Variants in KIF3C observed in about 807,000 individuals in gnomAD.
KIF3C encodes kinesin-like protein KIF3C.
Under a neutral mutation model 67.7 loss-of-function variants are expected in KIF3C, and 12 were observed. The ratio of observed to expected loss-of-function variants is 0.18; its 90% CI spans 0.11 to 0.29. The LOEUF (loss-of-function observed/expected upper bound fraction) is 0.29, where lower values mean the gene tolerates loss of function less well. KIF3C is among the 10% of genes least tolerant of loss of function. The pLI, the probability that KIF3C is intolerant of heterozygous loss-of-function variation, is 1.00. For missense variants in KIF3C, 789 were observed against 1,059.6 expected (o/e 0.74, Z 3.55); for synonymous variants, 393 against 426.2 (o/e 0.92, Z 0.96).
At chr2:25,935,620 C>T (rs1216297838) in intron 5 of KIF3C, among the ~76,000 whole-genome samples, 1 of 152,092 alleles carries the variant, frequency 6.6e-6, no homozygotes, top group African/African-American at 2.4e-5. Context: ...CCTCAGCCTC[C>T]CAAAGTGCTG....
intron 6 of KIF3C, 119 bp downstream of exon 6, chr2:25,929,836 G>A (rs562321898): frequency 1.1e-5 from 8 of 716,694 alleles, no homozygotes; most frequent in East Asian, 1.0e-4. Flanking sequence ...GGCTGGTCTC[G>A]AACTCCTGAC....
Position 25,955,393 on chromosome 2 carries a change from C to G in KIF3C, c.1770+148G>C. 2 of 927,408 alleles carry G rather than the reference C, an allele frequency of 2.2e-6. No individual in the cohort carries two copies. Among genetic ancestry groups the G allele is most frequent in the East Asian group, 2.5e-5 (1 of 40,628 alleles). 57.4% of individuals were successfully genotyped at this position (927,408 alleles called of 1,614,324 possible). On this transcript the variant is annotated intron_variant, in intron 3 of 7. Transcript: ENST00000264712. This position sits in a 1 kb window ranked among gnomAD's most constrained non-coding sequence, Gnocchi z 5.0. ...CCCCAGCCCCCGCCTCCTGCCTCCCCCTGTTGCTCACCCCCGAGGCCAAGC... is the reference window on the plus strand; with the variant it reads ...CCCCAGCCCCCGCCTCCTGCCTCCCGCTGTTGCTCACCCCCGAGGCCAAGC...
At chr2:25,972,458 T>C (rs7601481) in intron 1 of KIF3C, among the ~76,000 whole-genome samples, 40,937 of 152,064 alleles carry the variant, frequency 0.27, 6,564 homozygotes, top group African/African-American at 0.45. Context: ...TGAGAAGGAA[T>C]ACAAGACACT....
chr2:25,929,261 T>C (rs752642249), intron 7 of KIF3C, 44 bp downstream of exon 7: 7 of 1,593,146 alleles, frequency 4.4e-6, no homozygotes, highest in Non-Finnish European at 5.2e-6. Context: ...GCAGTTCCCC[T>C]GCCTCCTGGG....
chr2:25,970,965 GAAAAAAAAAAA>G (rs970182694), intron 1 of KIF3C, among the ~76,000 whole-genome samples: 17 of 49,326 alleles, frequency 3.4e-4, no homozygotes, highest in East Asian at 6.0e-4. Context: ...CTCTATGAAG[GAAAAAAAAAAA>G]AAAAAAAAAA....
At chr2:25,936,233 G>T (rs1663122192) in intron 5 of KIF3C, among the ~76,000 whole-genome samples, 1 of 152,142 alleles carries the variant, frequency 6.6e-6, no homozygotes, top group East Asian at 1.9e-4. Context: ...TAGAGATGGG[G>T]TCTCGCTATG....
At chr2:25,971,804 C>G (rs192028298) in intron 1 of KIF3C, among the ~76,000 whole-genome samples, 70 of 150,118 alleles carry the variant, frequency 4.7e-4, no homozygotes, top group African/African-American at 1.7e-3. Context: ...AACTCCTAGG[C>G]TCAAGCCATC....
intron 5 of KIF3C, 137 bp downstream of exon 5, chr2:25,951,652 A>G: frequency 1.6e-6 from 1 of 621,362 alleles, no homozygotes; most frequent in Non-Finnish European, 2.9e-6. Context: ...TTCATCCCCC[A>G]TCGGCATCCT....
At chr2:25,945,847 C>T (rs535208746) in intron 5 of KIF3C, among the ~76,000 whole-genome samples, 34 of 152,262 alleles carry the variant, frequency 2.2e-4, no homozygotes, top group African/African-American at 7.7e-4. Flanking sequence ...CGGTGGCTCA[C>T]GCCTGTAAAT....
At chr2:25,971,405 A>G (rs1304628426) in intron 1 of KIF3C, among the ~76,000 whole-genome samples, 3 of 151,350 alleles carry the variant, frequency 2.0e-5, no homozygotes, top group African/African-American at 7.3e-5. Context: ...ACGCCACTGT[A>G]CTCCAGCCTG....
At chr2:25,943,555 T>G (rs1663348557) in intron 5 of KIF3C, among the ~76,000 whole-genome samples, 2 of 152,190 alleles carry the variant, frequency 1.3e-5, no homozygotes, top group Non-Finnish European at 2.9e-5. Context: ...TAAAAAATCC[T>G]AGAACTGGCC....
intron 4 of KIF3C, chr2:25,953,989 T>G (rs1574487706): frequency 2.9e-6 from 1 of 347,662 alleles, no homozygotes; most frequent in Middle Eastern, 8.4e-4. Flanking sequence ...TTTAAAAAAT[T>G]TAAAATCACT....
Position 25,980,588 on chromosome 2 carries a change from G to T in KIF3C, c.1330C>A (p.Pro444Thr). 6.2e-7 allele frequency: 1 copy of T among 1,614,060 alleles called. No individual in the cohort carries two copies. Among genetic ancestry groups the T allele is most frequent in the South Asian group, 1.1e-5 (1 of 91,082 alleles). Reference protein sequence around the residue: ...EEDDNNNNHRPPQPILESALE... With the variant: ...EEDDNNNNHRTPQPILESALE... ...GCTGACTCCAGGATGGGCTGGGGCGGGCGGTGGTTGTTGTTGTTGTCATCC... is the reference window on the plus strand; with the variant it reads ...GCTGACTCCAGGATGGGCTGGGGCGTGCGGTGGTTGTTGTTGTTGTCATCC... Residue 444 changes from proline to threonine, a missense_variant, in exon 1 of 8, where the codon CCG (proline) becomes ACG (threonine). Pro to Thr is a conservative substitution (Grantham distance 38). Coordinates refer to ENST00000264712, the MANE Select transcript of KIF3C (RefSeq NM_002254.8). The surrounding 1 kb of genome is among the most constrained non-coding windows in gnomAD (Gnocchi z 7.6).
At chr2:25,960,740 C>T (rs1275733827) in intron 1 of KIF3C, among the ~76,000 whole-genome samples, 1 of 152,084 alleles carries the variant, frequency 6.6e-6, no homozygotes, top group African/African-American at 2.4e-5. Context: ...AGTTCAAGAC[C>T]AGCCCAAGTA....
At chr2:25,954,523 C>A in intron 3 of KIF3C, 138 bp from the exon 4 acceptor site, 2 of 638,330 alleles carry the variant, frequency 3.1e-6, no homozygotes. Context: ...TTTCTGAACT[C>A]CCCGCTGTGC....
At chr2:25,944,590 A>G (rs1002405535) in intron 5 of KIF3C, among the ~76,000 whole-genome samples, 7 of 152,084 alleles carry the variant, frequency 4.6e-5, no homozygotes, top group African/African-American at 2.4e-5. Context: ...GGCTCAAGCC[A>G]TCTACCTGCT....
At chr2:25,935,371 CT>C (rs918501896) in intron 5 of KIF3C, among the ~76,000 whole-genome samples, 6 of 149,390 alleles carry the variant, frequency 4.0e-5, no homozygotes, top group Admixed American at 6.7e-5. Flanking sequence ...TTGCTGAAGC[CT>C]TTTTTTTTTC....
chr2:25,932,295 T>C (rs2090467201), intron 5 of KIF3C, among the ~76,000 whole-genome samples: 1 of 151,564 alleles, frequency 6.6e-6, no homozygotes. Context: ...CCACTGCGCC[T>C]GGCCGGTAAT....
At chr2:25,931,201 A>G (rs2090456131) in intron 5 of KIF3C, among the ~76,000 whole-genome samples, 1 of 152,102 alleles carries the variant, frequency 6.6e-6, no homozygotes, top group Non-Finnish European at 1.5e-5. Context: ...TCACACCTGT[A>G]ATCCCAGCAC....
Sources: allele counts gnomAD v4.1 joint callset (sites outside exome capture counted in the v4.1 genomes callset), GRCh38; gene constraint gnomAD v4.1.1; non-coding constraint Gnocchi (gnomAD v3.1); transcripts MANE v1.5; gene names NCBI Gene and HGNC (gene_info 2026-07-23, HGNC 2026-07-21).